The following ZFP30 variants were observed in gnomAD, a reference collection of about 807,000 sequenced individuals.
ZFP30 encodes the protein zinc finger protein 30 homolog.
In ZFP30, 16 loss-of-function variants were observed where a neutral mutation model predicts 12.3. The observed-to-expected ratio is 1.30, with a 90% confidence interval of 0.88 to 1.98. ZFP30 has a LOEUF of 1.98. Among genes scored for constraint, ZFP30 ranks in the 30% most tolerant of loss-of-function variants. The pLI is 0.00. For synonymous variants in ZFP30, 172 were observed against 201.0 expected, an observed-to-expected ratio of 0.86 and a Z score of 1.22; for missense variants, 560 against 611.2, an observed-to-expected ratio of 0.92 and a Z score of 0.88.
At chr19:37,642,041 T>C (rs2044445778) in intron 5 of ZFP30, among the ~76,000 whole-genome samples, 1 of 152,236 alleles carries the variant, frequency 6.6e-6, no homozygotes, top group Admixed American at 6.5e-5. Flanking sequence ...GATATCGTGC[T>C]CTTTCATTAG....
At chr19:37,642,547 T>C (rs2044456690) in intron 5 of ZFP30, among the ~76,000 whole-genome samples, 1 of 152,208 alleles carries the variant, frequency 6.6e-6, no homozygotes, top group South Asian at 2.1e-4. Context: ...GTAATCCATT[T>C]ACTGATTTTA....
chr19:37,650,349 C>T (rs888441524), intron 2 of ZFP30, among the ~76,000 whole-genome samples: 1 of 152,186 alleles, frequency 6.6e-6, no homozygotes, highest in Non-Finnish European at 1.5e-5. Context: ...AAGTGATCCA[C>T]CTGCCTCCAC....
upstream of ZFP30, chr19:37,655,467 C>G (rs999080505): frequency 6.6e-6 from 1 of 152,372 alleles, no homozygotes; most frequent in African/African-American, 2.4e-5. Context: ...CGCCAGAATA[C>G]GGGAGAGCGC....
intron 2 of ZFP30, among the ~76,000 whole-genome samples, chr19:37,652,179 T>C (rs1487528519): frequency 6.6e-6 from 1 of 152,204 alleles, no homozygotes; most frequent in Non-Finnish European, 1.5e-5. Flanking sequence ...TGGAGTCATA[T>C]AATCCACAAG....
chr19:37,652,307 C>G (rs575473958), intron 2 of ZFP30, among the ~76,000 whole-genome samples: 2 of 152,188 alleles, frequency 1.3e-5, no homozygotes, highest in South Asian at 2.1e-4. Flanking sequence ...TGGCTCACAC[C>G]TGTAATCCCA....
At chr19:37,649,926 T>C (rs2147287977) in intron 2 of ZFP30, among the ~76,000 whole-genome samples, 1 of 152,232 alleles carries the variant, frequency 6.6e-6, no homozygotes, top group South Asian at 2.1e-4. Context: ...CACTACATAT[T>C]GTTGGGGGAA....
chr19:37,640,873 T>C lies in ZFP30; in HGVS notation c.235+2392A>G, dbSNP rs73621526. On this transcript the variant is annotated intron_variant, in intron 5 of 5. Coordinates refer to ENST00000684514, the MANE Select transcript of ZFP30 (RefSeq NM_001320669.3). ...TTTTTTTCTGGCTGATACAAGATTA[T>C]ACAGGATACAGAATATTTATGACCA... is the stretch of plus-strand genomic sequence containing the variant. Among the ~76,000 whole-genome samples the C allele has an allele frequency of 5.9e-3, 902 of 152,222 alleles. 10 individuals are homozygous for C. The highest frequency in any genetic ancestry group is 0.021 in the African/African-American group (852 of 41,520).
intron 5 of ZFP30, among the ~76,000 whole-genome samples, chr19:37,636,574 A>C (rs1468294700): frequency 6.6e-6 from 1 of 152,180 alleles, no homozygotes; most frequent in East Asian, 1.9e-4. Context: ...CAGTTAGAAT[A>C]CAGAGCAAAT....
chr19:37,647,725 G>A, intron 3 of ZFP30, 89 bp downstream of exon 3: 1 of 1,542,094 alleles, frequency 6.5e-7, no homozygotes, highest in Non-Finnish European at 8.9e-7. Context: ...ATGGGGCTCT[G>A]TTAGAAAGTT....
chr19:37,635,261 T>A lies in ZFP30; in HGVS notation c.1280A>T (p.Gln427Leu). 6.2e-7 allele frequency: 1 copy of A among 1,614,110 alleles called. No individual in the cohort carries two copies. Among genetic ancestry groups the A allele is most frequent in the Non-Finnish European group, 8.5e-7 (1 of 1,179,994 alleles). Reference protein sequence around the residue: ...KAFRLFSQLTQHQSIHFGEKP... With the variant: ...KAFRLFSQLTLHQSIHFGEKP... ...CTCACCAAAATGAATACTCTGATGTTGAGTAAGCTGTGAGAACAGCCTAAA... is the reference window on the plus strand; with the variant it reads ...CTCACCAAAATGAATACTCTGATGTAGAGTAAGCTGTGAGAACAGCCTAAA... The change falls in exon 6 of 6, where the codon CAA (glutamine) becomes CTA (leucine). Residue 427 changes from glutamine to leucine, a missense_variant. Coordinates refer to ENST00000684514, the MANE Select transcript of ZFP30 (RefSeq NM_001320669.3).
intron 5 of ZFP30, among the ~76,000 whole-genome samples, chr19:37,642,856 T>G (rs907003326): frequency 6.6e-6 from 1 of 151,690 alleles, no homozygotes; most frequent in Non-Finnish European, 1.5e-5. Context: ...ATCAAGACCA[T>G]CCTGGCTAAC....
At chr19:37,647,928 A>G in intron 2 of ZFP30, 29 bp from the exon 3 acceptor site, 1 of 1,362,758 alleles carries the variant, frequency 7.3e-7, no homozygotes, top group Admixed American at 1.8e-5. Context: ...AAATCATGAG[A>G]AGAGAACTGC....
At chr19:37,649,679 C>T (rs928255539) in intron 2 of ZFP30, among the ~76,000 whole-genome samples, 14 of 151,856 alleles carry the variant, frequency 9.2e-5, no homozygotes, top group African/African-American at 1.7e-4. Flanking sequence ...AAAAAATTAA[C>T]GGGGCATGGT....
chr19:37,635,696 T>C lies in ZFP30; in HGVS notation c.845A>G (p.Tyr282Cys). 4 of 1,613,332 alleles carry C rather than the reference T, an allele frequency of 2.5e-6. No homozygotes were observed. Among genetic ancestry groups the C allele is most frequent in the Non-Finnish European group, 3.4e-6 (4 of 1,179,784 alleles). ...TCTCTGATGTCGAGTAAGGTGTGCA[T>C]ACTGCCTAAAGGCCTTCCCACATTC... ...CKECGKAFRQ[Y>C]AHLTRHQRLN... The change falls in exon 6 of 6, where the codon TAT becomes TGT. Residue 282 changes from tyrosine (Y) to cysteine (C), a missense_variant. Tyr to Cys is a radical substitution (Grantham distance 194). Transcript: ENST00000684514.
In ZFP30 at chr19:37,636,067, G is replaced by T; in HGVS notation, c.474C>A (p.Tyr158Ter). 6.2e-7 allele frequency: 1 copy of T among 1,614,072 alleles called. No homozygotes were observed. The stretch of plus-strand genomic sequence containing the variant: ...AAGCCTTCCCACATTCCCCACATTC[G>T]TAGGGTTTCTCTCTGTTATGACTTT... ...YQKSHNREKP[Y>*]ECGECGKAFR... is the part of the protein sequence containing the mutation. The change falls in exon 6 of 6, where the codon TAC becomes TAA. Residue 158 changes from tyrosine (Y) to a stop codon, truncating the protein, a stop_gained. Transcript: ENST00000684514. LOFTEE classifies it low-confidence loss of function (END_TRUNC).
intron 2 of ZFP30, chr19:37,651,367 G>C (rs1282203879): frequency 1.3e-5 from 2 of 151,904 alleles, no homozygotes; most frequent in Non-Finnish European, 2.9e-5. Context: ...ACGAGGTCAG[G>C]AGATCAAGGC....
At position 37,632,241 on chromosome 19, in the gene ZFP30, T is replaced by C. The variant is rs1030362103; in HGVS notation, c.*2740A>G. ...AATTTTAGTAATTTTTACCATAAAA[T>C]AATTCTGGATTTTCAATATTTTAAA... On this transcript the variant is annotated 3_prime_UTR_variant, in exon 6 of 6. Transcript: ENST00000684514. 6.6e-6 allele frequency: 1 copy of C among 152,078 alleles called. No homozygotes were observed. Among genetic ancestry groups the C allele is most frequent in the Non-Finnish European group, 1.5e-5 (1 of 67,980 alleles). 9.4% of individuals were successfully genotyped at this position (152,078 alleles called of 1,614,324 possible).
chr19:37,647,767 C>G, intron 3 of ZFP30, 47 bp downstream of exon 3: 2 of 1,611,586 alleles, frequency 1.2e-6, no homozygotes, highest in Non-Finnish European at 1.7e-6. Context: ...TTCACATAAC[C>G]TGAAAAAAAT....
intron 2 of ZFP30, among the ~76,000 whole-genome samples, chr19:37,649,823 T>TAA (rs199505270): frequency 8.6e-6 from 1 of 115,768 alleles, no homozygotes. Flanking sequence ...TACCCCGTCT[T>TAA]AAAAAAAAAA....
Sources: allele counts gnomAD v4.1 joint callset (sites outside exome capture counted in the v4.1 genomes callset), GRCh38; gene constraint gnomAD v4.1.1; transcripts MANE v1.5; gene names NCBI Gene and HGNC (gene_info 2026-07-23, HGNC 2026-07-21).